Variants in ZNF678 observed in about 807,000 individuals in gnomAD.
ZNF678 encodes the protein zinc finger protein 678.
ZNF678 carries 5 observed loss-of-function variants against 3.0 expected under a neutral mutation model. The observed-to-expected ratio is 1.69, with a 90% CI of 0.88 to 3.56. The LOEUF (loss-of-function observed/expected upper bound fraction) is 3.56. ZNF678 is among the 30% of genes most tolerant of loss of function. The pLI is 0.00. For synonymous variants in ZNF678, 218 were observed against 199.6 expected (o/e 1.09, Z -0.78); for missense variants, 593 against 605.0 (o/e 0.98, Z 0.21).
At position 227,649,165 on chromosome 1, in the gene ZNF678, T is replaced by C. The variant is rs550245261; in HGVS notation, c.-36-1791T>C. Among the ~76,000 whole-genome samples, 5 of 152,344 alleles carry C rather than the reference T, an allele frequency of 3.3e-5. No individual in the cohort carries two copies. The East Asian group carries it at 9.6e-4, about 29-fold the overall frequency. On this transcript the variant is annotated intron_variant, in intron 2 of 3. Transcript: ENST00000343776. ...ATTGTGAATGATACTGTAATAAATA[T>C]GAGGATGCAGCTATTTCTTTGAGAT... is the stretch of plus-strand genomic sequence containing the variant.
chr1:227,608,947 A>G (rs1657946782), intron 1 of ZNF678, among the ~76,000 whole-genome samples: 1 of 152,148 alleles, frequency 6.6e-6, no homozygotes. Flanking sequence ...TAAAAACTGG[A>G]CTCTTGACAA....
chr1:227,598,871 C>A (rs1246664909), intron 1 of ZNF678: 3 of 646,656 alleles, frequency 4.6e-6, no homozygotes, highest in Non-Finnish European at 8.7e-6. Context: ...CAAATTTATT[C>A]TTTTCTTTTT....
At chr1:227,565,500 G>A (rs1050723873) in intron 1 of ZNF678, among the ~76,000 whole-genome samples, 3 of 151,934 alleles carry the variant, frequency 2.0e-5, no homozygotes, top group Admixed American at 6.6e-5. Context: ...AGGCTTAAAT[G>A]TGTGTGCTGC....
rs115633475 is a variant in ZNF678, at chr1:227,623,990, C to T, written c.-163-22554C>T. Among the ~76,000 whole-genome samples the T allele has an allele frequency of 5.2e-3, 797 of 152,210 alleles. 8 individuals are homozygous for T. The highest frequency in any genetic ancestry group is 0.019 in the African/African-American group (769 of 41,532). On this transcript the variant is annotated intron_variant, in intron 1 of 3. Coordinates refer to ENST00000343776, the MANE Select transcript of ZNF678 (RefSeq NM_001367909.1). ...CTTTTATTAAACATTTTAAATGTATCCATTATCAGACACTCCCACTTACTT... is the reference window on the plus strand; with the variant it reads ...CTTTTATTAAACATTTTAAATGTATTCATTATCAGACACTCCCACTTACTT...
intron 2 of ZNF678, among the ~76,000 whole-genome samples, chr1:227,649,676 T>C (rs1002471886): frequency 1.5e-4 from 23 of 152,194 alleles, no homozygotes; most frequent in African/African-American, 5.3e-4. Context: ...TGTCAAACTG[T>C]TACCTCACTT....
At chr1:227,648,317 T>A (rs1659007393) in intron 2 of ZNF678, among the ~76,000 whole-genome samples, 1 of 152,194 alleles carries the variant, frequency 6.6e-6, no homozygotes, top group South Asian at 2.1e-4. Flanking sequence ...CACATACGCA[T>A]GCATGCATAT....
intron 1 of ZNF678, among the ~76,000 whole-genome samples, chr1:227,587,072 A>G (rs1657280576): frequency 6.6e-6 from 1 of 152,220 alleles, no homozygotes; most frequent in South Asian, 2.1e-4. Context: ...TCAATATTGC[A>G]GGGTGAGGAT....
At chr1:227,579,239 G>T (rs114215112) in intron 1 of ZNF678, among the ~76,000 whole-genome samples, 9 of 152,220 alleles carry the variant, frequency 5.9e-5, no homozygotes, top group African/African-American at 2.2e-4. Context: ...TAGGAGTGGT[G>T]GGAGTCCCTG....
At chr1:227,652,636 A>C (rs1295398954) in intron 3 of ZNF678, among the ~76,000 whole-genome samples, 1 of 152,096 alleles carries the variant, frequency 6.6e-6, no homozygotes, top group Non-Finnish European at 1.5e-5. Context: ...TAATAGCTTA[A>C]CTTCAGTTGC....
At chr1:227,614,608 G>GT (rs1439419448) in intron 1 of ZNF678, among the ~76,000 whole-genome samples, 6 of 152,068 alleles carry the variant, frequency 3.9e-5, no homozygotes, top group Non-Finnish European at 7.4e-5. Flanking sequence ...CTTAGCTTTT[G>GT]TTCAGACCCC....
intron 1 of ZNF678, among the ~76,000 whole-genome samples, chr1:227,617,683 G>C (rs1658175297): frequency 6.6e-6 from 1 of 152,194 alleles, no homozygotes; most frequent in Non-Finnish European, 1.5e-5. Context: ...CATGACCAAT[G>C]TGGTTTGCCT....
rs1341592936 is a variant in ZNF678 at position 227,662,071 on chromosome 1, C to G, written c.*6243C>G. 2.6e-5 allele frequency: 4 copies of G among 152,150 alleles called. No individual in the cohort carries two copies. Among genetic ancestry groups the G allele is most frequent in the Admixed American group, 1.3e-4 (2 of 15,266 alleles). 9.4% of individuals were successfully genotyped at this position (152,150 alleles called of 1,614,324 possible). A position where few individuals can be genotyped will look rare whatever the true frequency, so the allele number is the denominator to read the frequency against. On this transcript the variant is annotated 3_prime_UTR_variant, in exon 4 of 4. Transcript: ENST00000343776. The stretch of plus-strand genomic sequence containing the variant: ...GACATGAGTATTTAAGGAGAAGGTT[C>G]TAGGCTTCCGAAGTAAAATTGGATG...
intron 3 of ZNF678, 132 bp from the exon 4 acceptor site, chr1:227,654,204 G>A (rs577667494): frequency 2.4e-5 from 18 of 743,642 alleles, no homozygotes; most frequent in Non-Finnish European, 3.5e-5. Flanking sequence ...TGTTCAAAAA[G>A]GAATCATGGC....
intron 1 of ZNF678, among the ~76,000 whole-genome samples, chr1:227,628,340 G>A (rs1288086642): frequency 6.6e-6 from 1 of 152,110 alleles, no homozygotes; most frequent in Admixed American, 6.5e-5. Flanking sequence ...CCATTGGCAA[G>A]CTTAACACTG....
At chr1:227,678,897 G>C (rs889407574), downstream of ZNF678, among the ~76,000 whole-genome samples, 5 of 152,158 alleles carry the variant, frequency 3.3e-5, no homozygotes, top group Non-Finnish European at 7.3e-5. Context: ...AAATGGAAAG[G>C]CATGGTAGCT....
Position 227,619,847 on chromosome 1 carries a change from A to G in ZNF678, c.-163-26697A>G, listed in dbSNP as rs138110244. Reference sequence around the variant, plus strand: ...TGACCTTGAGCAGTTGGATATAAATAACTCCCACATGCTAAGCATTCCAAT... The same window carrying G: ...TGACCTTGAGCAGTTGGATATAAATGACTCCCACATGCTAAGCATTCCAAT... On this transcript the variant is annotated intron_variant, in intron 1 of 3. Transcript: ENST00000343776. Among the ~76,000 whole-genome samples, 312 of 152,334 alleles carry G rather than the reference A, an allele frequency of 2.0e-3. 1 individual carries two copies. The highest frequency in any genetic ancestry group is 7.1e-3 in the African/African-American group (297 of 41,576).
chr1:227,598,421 A>G, intron 1 of ZNF678: 2 of 1,459,944 alleles, frequency 1.4e-6, no homozygotes, highest in Non-Finnish European at 1.8e-6. Flanking sequence ...ATTTTTCTTA[A>G]TGTTATGGTG....
At chr1:227,597,256 TG>T (rs1320734543) in intron 1 of ZNF678, among the ~76,000 whole-genome samples, 2 of 152,182 alleles carry the variant, frequency 1.3e-5, no homozygotes, top group African/African-American at 4.8e-5. Context: ...CTATTGTTTG[TG>T]GTTTAAGAAG....
intron 1 of ZNF678, among the ~76,000 whole-genome samples, chr1:227,608,578 A>C (rs979224562): frequency 6.6e-6 from 1 of 152,226 alleles, no homozygotes; most frequent in Non-Finnish European, 1.5e-5. Flanking sequence ...TTCAGAAGCT[A>C]TTCTTGAATA....
Sources: allele counts gnomAD v4.1 joint callset (sites outside exome capture counted in the v4.1 genomes callset), GRCh38; gene constraint gnomAD v4.1.1; transcripts MANE v1.5; gene names NCBI Gene and HGNC (gene_info 2026-07-23, HGNC 2026-07-21).